The following WDR70 variants were observed in gnomAD, a reference collection of about 807,000 sequenced individuals.
The protein encoded by WDR70 is WD repeat domain 70.
WDR70 carries 53 observed loss-of-function variants against 88.6 expected under a neutral mutation model. The ratio of observed to expected loss-of-function variants is 0.60; its 90% confidence interval spans 0.48 to 0.75. The LOEUF (loss-of-function observed/expected upper bound fraction) is 0.75, where lower values mean the gene tolerates loss of function less well. Ranked by LOEUF, WDR70 falls within the 30% of genes least tolerant of loss-of-function variation. The pLI is 0.00. For missense variants in WDR70, 610 were observed against 823.2 expected (o/e 0.74, Z 3.17); for synonymous variants, 280 against 270.0 (o/e 1.04, Z -0.36).
chr5:37,611,570 A>G (rs1454857325), intron 10 of WDR70, among the ~76,000 whole-genome samples: 1 of 151,974 alleles, frequency 6.6e-6, no homozygotes, highest in Middle Eastern at 3.2e-3. Context: ...GCATTGATAT[A>G]TTTTTAGCAT....
intron 5 of WDR70, among the ~76,000 whole-genome samples, chr5:37,415,872 G>A (rs1372932589): frequency 1.3e-5 from 2 of 151,522 alleles, no homozygotes; most frequent in Non-Finnish European, 2.9e-5. Flanking sequence ...CATCCCAGAC[G>A]GGGCGGCGGG....
chr5:37,469,890 T>C (rs550699888), intron 7 of WDR70, among the ~76,000 whole-genome samples: 2 of 152,328 alleles, frequency 1.3e-5, no homozygotes, highest in African/African-American at 2.4e-5. Flanking sequence ...AATAGACTTA[T>C]ATTTCTGAAC....
At chr5:37,594,665 A>G (rs1050215977) in intron 9 of WDR70, among the ~76,000 whole-genome samples, 5 of 152,102 alleles carry the variant, frequency 3.3e-5, no homozygotes, top group African/African-American at 4.8e-5. Context: ...GTTTTTTCCA[A>G]TTCTGTGAAG....
intron 5 of WDR70, among the ~76,000 whole-genome samples, chr5:37,437,504 G>A (rs1750503957): frequency 1.3e-5 from 2 of 152,126 alleles, no homozygotes; most frequent in South Asian, 4.1e-4. Flanking sequence ...TTAAAGTATG[G>A]TAAGCAGATA....
intron 9 of WDR70, among the ~76,000 whole-genome samples, chr5:37,583,839 T>A (rs1743289776): frequency 6.6e-6 from 1 of 152,198 alleles, no homozygotes; most frequent in Admixed American, 6.5e-5. Flanking sequence ...AGGTACAAAA[T>A]ACAAATAATA....
chr5:37,514,339 C>CATATATATATATGTATGTAT (rs1740814452), intron 8 of WDR70, among the ~76,000 whole-genome samples: 1 of 28,728 alleles, frequency 3.5e-5, no homozygotes, highest in Non-Finnish European at 1.4e-4. Context: ...TTTAGAACTA[C>CATATATATATATGTATGTAT]ATATATATAT....
chr5:37,471,830 T>G (rs1739333834), intron 7 of WDR70, among the ~76,000 whole-genome samples: 1 of 152,018 alleles, frequency 6.6e-6, no homozygotes, highest in Non-Finnish European at 1.5e-5. Flanking sequence ...AATGTCAAAT[T>G]GACTCCGCAT....
At chr5:37,550,943 C>G (rs1431603833) in intron 9 of WDR70, among the ~76,000 whole-genome samples, 1 of 151,968 alleles carries the variant, frequency 6.6e-6, no homozygotes, top group Non-Finnish European at 1.5e-5. Flanking sequence ...TCTTGTAACC[C>G]ATTATTTTAA....
chr5:37,631,123 G>C (rs1744804071), intron 10 of WDR70, among the ~76,000 whole-genome samples: 1 of 152,136 alleles, frequency 6.6e-6, no homozygotes. Context: ...CTGCCCTCCT[G>C]TCATTACAGA....
chr5:37,564,514 G>A (rs1246406712), intron 9 of WDR70, among the ~76,000 whole-genome samples: 2 of 151,926 alleles, frequency 1.3e-5, no homozygotes, highest in South Asian at 2.1e-4. Flanking sequence ...GGGGGAGACC[G>A]TGGAAAGAGA....
chr5:37,674,624 G>T (rs1240636041), intron 10 of WDR70, among the ~76,000 whole-genome samples: 1 of 152,088 alleles, frequency 6.6e-6, no homozygotes, highest in Non-Finnish European at 1.5e-5. Context: ...TCTTAATCCA[G>T]TCTATCATCG....
chr5:37,744,495 C>T (rs138766139), intron 17 of WDR70, among the ~76,000 whole-genome samples: 141 of 151,988 alleles, frequency 9.3e-4, no homozygotes, highest in African/African-American at 3.0e-3. Context: ...GCTAAAGGAG[C>T]GTGTCCTTAC....
chr5:37,713,448 T>C (rs904782040), intron 13 of WDR70, among the ~76,000 whole-genome samples: 1 of 152,086 alleles, frequency 6.6e-6, no homozygotes, highest in Non-Finnish European at 1.5e-5. Flanking sequence ...GGAACTTTTT[T>C]CCCCTTCTCT....
intron 4 of WDR70, among the ~76,000 whole-genome samples, chr5:37,393,385 G>T (rs1051423800): frequency 1.3e-5 from 2 of 152,022 alleles, no homozygotes; most frequent in African/African-American, 4.8e-5. Context: ...GTTCTGCTCT[G>T]ATTTTTTTTA....
At chr5:37,657,361 A>T (rs1300131575) in intron 10 of WDR70, among the ~76,000 whole-genome samples, 2 of 152,154 alleles carry the variant, frequency 1.3e-5, no homozygotes, top group Non-Finnish European at 2.9e-5. Context: ...CAGGTACCCC[A>T]GTTGGAAATG....
intron 10 of WDR70, among the ~76,000 whole-genome samples, chr5:37,625,502 G>A (rs933546526): frequency 3.3e-5 from 5 of 151,694 alleles, no homozygotes; most frequent in Non-Finnish European, 7.4e-5. Flanking sequence ...CAGATCATTT[G>A]CCCATATTTT....
intron 10 of WDR70, among the ~76,000 whole-genome samples, chr5:37,627,445 T>A (rs1744699991): frequency 6.6e-6 from 1 of 152,160 alleles, no homozygotes; most frequent in Admixed American, 6.5e-5. Flanking sequence ...TCTGATTGTT[T>A]TTATTTCTTT....
intron 8 of WDR70, among the ~76,000 whole-genome samples, chr5:37,513,781 A>C: frequency 6.6e-6 from 1 of 152,106 alleles, no homozygotes. Flanking sequence ...CTTATATTCT[A>C]GCCGAGCTGG....
intron 9 of WDR70, among the ~76,000 whole-genome samples, chr5:37,530,852 G>A (rs549934427): frequency 1.4e-5 from 2 of 143,214 alleles, no homozygotes; most frequent in South Asian, 4.4e-4. Flanking sequence ...GGTTTGGATT[G>A]TTCTTATTTC....
Sources: gnomAD v4.1 joint callset for allele counts (sites outside exome capture counted in the v4.1 genomes callset) on GRCh38, gnomAD v4.1.1 for gene constraint, MANE v1.5 for transcripts, NCBI Gene and HGNC (gene_info 2026-07-23, HGNC 2026-07-21) for gene names.